Variants in INPP5B observed in about 807,000 individuals in gnomAD.
The protein encoded by INPP5B is type II inositol 1,4,5-trisphosphate 5-phosphatase.
In INPP5B, 90 loss-of-function variants were observed where a neutral mutation model predicts 118.5. That is an observed-to-expected ratio of 0.76 (90% CI 0.64 to 0.90). INPP5B has a LOEUF of 0.90. INPP5B is among the 40% of genes least tolerant of loss of function. The pLI, the probability that INPP5B is intolerant of heterozygous loss-of-function variation, is 0.00. For synonymous variants in INPP5B, 385 were observed against 418.9 expected (o/e 0.92, Z 0.99); for missense variants, 984 against 1,125.6 (o/e 0.87, Z 1.80).
chr1:37,872,405 C>T (rs115085936), intron 19 of INPP5B, among the ~76,000 whole-genome samples: 2,345 of 150,154 alleles, frequency 0.016, 66 homozygotes, highest in African/African-American at 0.055. Context: ...GAGTCTTTCT[C>T]CACTTGTAGA....
chr1:37,919,175 G>C (rs1038117716), intron 7 of INPP5B, among the ~76,000 whole-genome samples: 1 of 152,106 alleles, frequency 6.6e-6, no homozygotes, highest in African/African-American at 2.4e-5. Flanking sequence ...AAATCTGTTT[G>C]GATAACCAAG....
chr1:37,898,939 T>C (rs2148556958), intron 7 of INPP5B, among the ~76,000 whole-genome samples: 1 of 151,720 alleles, frequency 6.6e-6, no homozygotes, highest in Admixed American at 6.6e-5. Flanking sequence ...CCCAGTACTC[T>C]GGAAGGCTGA....
chr1:37,940,219 C>T (rs1198425537), intron 6 of INPP5B, among the ~76,000 whole-genome samples: 1 of 152,186 alleles, frequency 6.6e-6, no homozygotes, highest in Non-Finnish European at 1.5e-5. Context: ...CAAATTTTGT[C>T]CTAAAGGCCA....
chr1:37,935,570 A>C (rs766656547), intron 6 of INPP5B, among the ~76,000 whole-genome samples: 91 of 151,752 alleles, frequency 6.0e-4, no homozygotes, highest in Non-Finnish European at 1.1e-3. Flanking sequence ...CATTCTCATC[A>C]GTTTGACCTC....
At chr1:37,868,868 C>A (rs913907167) in intron 19 of INPP5B, among the ~76,000 whole-genome samples, 1 of 152,210 alleles carries the variant, frequency 6.6e-6, no homozygotes, top group African/African-American at 2.4e-5. Context: ...AAAAATCATT[C>A]CTATAGCATT....
At chr1:37,886,076 G>A (rs1183210762) in intron 12 of INPP5B, among the ~76,000 whole-genome samples, 1 of 151,978 alleles carries the variant, frequency 6.6e-6, no homozygotes, top group Non-Finnish European at 1.5e-5. Flanking sequence ...TACTCGGGAG[G>A]CTGAGGCAGA....
chr1:37,925,728 A>G (rs1010647628), intron 7 of INPP5B, among the ~76,000 whole-genome samples: 1 of 152,194 alleles, frequency 6.6e-6, no homozygotes, highest in Non-Finnish European at 1.5e-5. Flanking sequence ...TGCTCTCAAC[A>G]ATAACTGCAG....
At chr1:37,863,213 TAA>T (rs869054961) in intron 23 of INPP5B, among the ~76,000 whole-genome samples, 13 of 128,330 alleles carry the variant, frequency 1.0e-4, no homozygotes, top group Admixed American at 2.3e-4. Context: ...CACTGCCCTT[TAA>T]AAAAAAAAAA....
chr1:37,898,264 T>C (rs1644197135), intron 7 of INPP5B, among the ~76,000 whole-genome samples: 1 of 152,026 alleles, frequency 6.6e-6, no homozygotes, highest in Non-Finnish European at 1.5e-5. Flanking sequence ...TGCCAGGGGT[T>C]TTGGGGGTGA....
intron 7 of INPP5B, among the ~76,000 whole-genome samples, chr1:37,895,692 T>G (rs570253411): frequency 0.035 from 5,289 of 152,194 alleles, 136 homozygotes; most frequent in Non-Finnish European, 0.054. Context: ...TTCGTATTTT[T>G]TTGGTGGAGA....
chr1:37,917,771 A>AAAAT (rs951386213), intron 7 of INPP5B, among the ~76,000 whole-genome samples: 1 of 152,150 alleles, frequency 6.6e-6, no homozygotes. Flanking sequence ...CCATCTCTTA[A>AAAAT]AAATAAATAA....
At position 37,926,081 on chromosome 1, in the gene INPP5B, T is replaced by A. The variant is rs1645216803; in HGVS notation, c.532+5832A>T. On this transcript the variant is annotated intron_variant, in intron 7 of 23. Transcript: ENST00000373024. ...TGACAAAACAAGATGAAAGAGAGAG[T>A]GAGAGAGAAAACCACCCCGGGGGCT... Among the ~76,000 whole-genome samples the A allele has an allele frequency of 2.6e-5, 4 of 152,068 alleles. No homozygotes were observed. In the South Asian group the frequency reaches 8.3e-4, roughly 31 times the overall value.
Position 37,946,305 on chromosome 1 carries a change from C to A in INPP5B, c.4G>T (p.Asp2Tyr). ...GTCTCCTGGATTGCCACAGACTGGT[C>A]CATGCTGGCCCCTGCTGAGCGCACA... M[D>Y]QSVAIQETLA... The change falls in exon 2 of 24, where the codon GAC becomes TAC. Residue 2 changes from aspartate (D) to tyrosine (Y), a missense_variant. Transcript: ENST00000373024. The A allele has an allele frequency of 6.2e-7, 1 of 1,611,432 alleles. No homozygotes were observed. The highest frequency in any genetic ancestry group is 1.1e-5 in the South Asian group (1 of 90,340).
Position 37,862,238 on chromosome 1 carries a change from T to C in INPP5B, c.*77A>G. 1.1e-6 allele frequency: 1 copy of C among 944,072 alleles called. No individual in the cohort carries two copies. Among genetic ancestry groups the C allele is most frequent in the Non-Finnish European group, 1.7e-6 (1 of 580,780 alleles). The allele number at this position is 944,072 out of a possible 1,614,324, so 58.5% of individuals were successfully genotyped here. On this transcript the variant is annotated 3_prime_UTR_variant, in exon 24 of 24. Coordinates refer to ENST00000373024, the MANE Select transcript of INPP5B (RefSeq NM_005540.3). ...GCTACCAAGTGGCCTCACATAATTA[T>C]CTTAAGGCATCTCTTGAGCTGAAAC...
chr1:37,911,664 C>A (rs1031585837), intron 7 of INPP5B, among the ~76,000 whole-genome samples: 2 of 152,188 alleles, frequency 1.3e-5, no homozygotes, highest in African/African-American at 4.8e-5. Context: ...TTTATACTGA[C>A]TCTAAATATG....
At position 37,932,008 on chromosome 1, in the gene INPP5B, C is replaced by A; in HGVS notation, c.437G>T (p.Arg146Leu). 1 of 1,608,948 alleles carries A rather than the reference C, an allele frequency of 6.2e-7. No homozygotes were observed. Among genetic ancestry groups the A allele is most frequent in the African/African-American group, 1.3e-5 (1 of 74,926 alleles). Residue 146 changes from arginine (R) to leucine (L), a missense_variant, in exon 7 of 24, where the codon CGG becomes CTG. Physicochemically the swap from Arg to Leu is moderately radical, Grantham distance 102 (BLOSUM62 -2). Coordinates refer to ENST00000373024, the MANE Select transcript of INPP5B (RefSeq NM_005540.3). ...CAGCTCCAGCTCTGCGCACCTATAC[C>A]GAGACAGCCACAGGAATTCAGGATC... ...TRDPEFLWLSRYRCAELELEM... is the reference protein window; with the variant it reads ...TRDPEFLWLSLYRCAELELEM...
At chr1:37,931,285 C>T in intron 7 of INPP5B, 4 of 492,512 alleles carry the variant, frequency 8.1e-6, no homozygotes, top group African/African-American at 2.0e-5. Flanking sequence ...AAGACTCTAT[C>T]GTAGGCAGGG....
At chr1:37,932,137 G>A (rs887024554) in intron 6 of INPP5B, 84 bp from the exon 7 acceptor site, 183 of 1,335,894 alleles carry the variant, frequency 1.4e-4, no homozygotes, top group Admixed American at 1.5e-4. Context: ...AGAGACTCCG[G>A]CCCTGTTTCT....
intron 7 of INPP5B, among the ~76,000 whole-genome samples, chr1:37,909,901 G>A (rs1245914004): frequency 6.6e-6 from 1 of 152,078 alleles, no homozygotes; most frequent in Non-Finnish European, 1.5e-5. Flanking sequence ...ATTCCTCCAG[G>A]ACCGCCTCCC....
Sources: gnomAD v4.1 joint callset for allele counts (sites outside exome capture counted in the v4.1 genomes callset) on GRCh38, gnomAD v4.1.1 for gene constraint, MANE v1.5 for transcripts, NCBI Gene and HGNC (gene_info 2026-07-23, HGNC 2026-07-21) for gene names.